ARHGEF10L: variants seen among roughly 807,000 people sequenced by gnomAD.
ARHGEF10L encodes rho guanine nucleotide exchange factor 10-like protein.
ARHGEF10L carries 69 observed loss-of-function variants against 141.2 expected under a neutral mutation model. The observed-to-expected ratio is 0.49, with a 90% CI of 0.40 to 0.60. The LOEUF is 0.60. ARHGEF10L is among the 20% of genes least tolerant of loss of function. The pLI, the probability that ARHGEF10L is intolerant of heterozygous loss-of-function variation, is 0.00. For synonymous variants in ARHGEF10L, 711 were observed against 718.5 expected (o/e 0.99, Z 0.17); for missense variants, 1,482 against 1,734.3 (o/e 0.85, Z 2.58).
chr1:17,685,296 A>T (rs954603031), intron 26 of ARHGEF10L, among the ~76,000 whole-genome samples: 1 of 152,144 alleles, frequency 6.6e-6, no homozygotes, highest in Non-Finnish European at 1.5e-5. Context: ...ACTGTTCCCC[A>T]TGGATTCCAA....
chr1:17,616,215 C>T lies in ARHGEF10L; in HGVS notation c.835+13C>T, dbSNP rs12090096. On this transcript the variant is annotated intron_variant, in intron 9 of 28. Transcript: ENST00000361221. The stretch of plus-strand genomic sequence containing the variant: ...AAGGACGTCCTCGGTGAGGCGCTGC[C>T]CGAGCGGGAGGGTCTGGTGCCCAGC... The T allele has an allele frequency of 2.3e-3, 3,707 of 1,609,346 alleles. 82 individuals are homozygous for T. In the African/African-American group the frequency reaches 0.044, roughly 19 times the overall value.
chr1:17,553,222 T>C (rs1237462527), intron 1 of ARHGEF10L, among the ~76,000 whole-genome samples: 1 of 152,212 alleles, frequency 6.6e-6, no homozygotes, highest in Non-Finnish European at 1.5e-5. Flanking sequence ...ACTTCTTCCT[T>C]GGACCAGCCA....
chr1:17,557,843 G>A (rs1364827862), intron 1 of ARHGEF10L, among the ~76,000 whole-genome samples: 2 of 152,180 alleles, frequency 1.3e-5, no homozygotes, highest in Non-Finnish European at 2.9e-5. Flanking sequence ...CCAGGCTGGG[G>A]AAACACGTAG....
chr1:17,518,774 G>A, the ARHGEF10L span, among the ~76,000 whole-genome samples: 14 of 127,536 alleles, frequency 1.1e-4, no homozygotes, highest in Non-Finnish European at 3.2e-5. Context: ...CTGCATTCCA[G>A]CCTGGGTAAT....
intron 27 of ARHGEF10L, chr1:17,691,192 G>T (rs2065076084): frequency 2.2e-6 from 1 of 450,250 alleles, no homozygotes; most frequent in African/African-American, 2.0e-5. Context: ...AGATGGCTTG[G>T]GTGAGTTGAA....
At chr1:17,575,686 A>G (rs1184724926) in intron 1 of ARHGEF10L, among the ~76,000 whole-genome samples, 1 of 152,142 alleles carries the variant, frequency 6.6e-6, no homozygotes, top group Non-Finnish European at 1.5e-5. Flanking sequence ...CAATAAGGTG[A>G]TGTGACAGGT....
chr1:17,658,081 G>T (rs1480193247), intron 25 of ARHGEF10L, among the ~76,000 whole-genome samples: 1 of 152,244 alleles, frequency 6.6e-6, no homozygotes, highest in Non-Finnish European at 1.5e-5. Context: ...TGCTTCAGGT[G>T]TTTCCTTGCC....
At chr1:17,526,165 G>A in the ARHGEF10L span, among the ~76,000 whole-genome samples, 1 of 152,244 alleles carries the variant, frequency 6.6e-6, no homozygotes, top group Admixed American at 6.5e-5. Flanking sequence ...CCCTCTCTGG[G>A]TTCCCTGCCA....
At chr1:17,596,130 CAG>C (rs956133828) in intron 4 of ARHGEF10L, among the ~76,000 whole-genome samples, 7 of 152,238 alleles carry the variant, frequency 4.6e-5, no homozygotes, top group African/African-American at 1.7e-4. Flanking sequence ...GACCAACAGT[CAG>C]AGTCTCTGGG....
chr1:17,638,002 AG>A lies in ARHGEF10L; in HGVS notation c.2043+1del. The A allele has an allele frequency of 6.3e-7, 1 of 1,578,166 alleles. No homozygotes were observed. The highest frequency in any genetic ancestry group is 8.6e-7 in the Non-Finnish European group (1 of 1,161,254). ...ATCAGCACGCTGCACGGCACCTACCAGGTACGTGGCCTGGCCTGACCTTTTT... is the reference window on the plus strand; with the variant it reads ...ATCAGCACGCTGCACGGCACCTACCAGTACGTGGCCTGGCCTGACCTTTTT... Reference protein sequence around the residue: ...LLISTLHGTYQNLNMTVAQDW... With the variant: ...LLISTLHGTYXNLNMTVAQDW... On this transcript the variant is annotated frameshift_variant and splice_region_variant, in exon 19 of 29. Coordinates refer to ENST00000361221, the MANE Select transcript of ARHGEF10L (RefSeq NM_018125.4). LOFTEE classifies it high-confidence loss of function.
At chr1:17,563,687 C>T (rs562105439) in intron 1 of ARHGEF10L, among the ~76,000 whole-genome samples, 2 of 151,926 alleles carry the variant, frequency 1.3e-5, no homozygotes, top group Non-Finnish European at 2.9e-5. Flanking sequence ...GTCATGACAC[C>T]CAGTTTGCAG....
intron 27 of ARHGEF10L, among the ~76,000 whole-genome samples, chr1:17,688,933 A>G (rs977003438): frequency 3.3e-5 from 5 of 152,152 alleles, no homozygotes; most frequent in African/African-American, 1.2e-4. Context: ...CTAACAACAC[A>G]GTCCACGGCA....
intron 2 of ARHGEF10L, among the ~76,000 whole-genome samples, chr1:17,583,706 AC>A (rs1205112444): frequency 6.6e-6 from 1 of 151,888 alleles, no homozygotes; most frequent in African/African-American, 2.4e-5. Context: ...GGAGACCCCC[AC>A]CCCCACTCCC....
chr1:17,664,808 T>G (rs1373291026), intron 26 of ARHGEF10L, among the ~76,000 whole-genome samples: 1 of 152,190 alleles, frequency 6.6e-6, no homozygotes, highest in African/African-American at 2.4e-5. Flanking sequence ...GAACAGAAAG[T>G]GCCCAGCTGC....
chr1:17,603,670 C>A lies in ARHGEF10L; in HGVS notation c.433+79C>A. 7.5e-7 allele frequency: 1 copy of A among 1,334,746 alleles called. No homozygotes were observed. Among genetic ancestry groups the A allele is most frequent in the Non-Finnish European group, 1.0e-6 (1 of 975,958 alleles). 82.7% of individuals were successfully genotyped at this position (1,334,746 alleles called of 1,614,324 possible). The stretch of plus-strand genomic sequence containing the variant: ...GGGACTGGGGAGGGTTGTCTCTTTC[C>A]GTTTCCTTCTGTCCCCACCTGGCCA... On this transcript the variant is annotated intron_variant, in intron 6 of 28. Transcript: ENST00000361221. The surrounding 1 kb of genome is among the most constrained non-coding windows in gnomAD (Gnocchi z 4.8).
chr1:17,534,666 T>A, the ARHGEF10L span, among the ~76,000 whole-genome samples: 7 of 151,170 alleles, frequency 4.6e-5, no homozygotes, highest in Admixed American at 3.3e-4. Flanking sequence ...CTCAGCTCAC[T>A]GCAACCTCTG....
At chr1:17,552,868 TAACTCTGGA>T (rs1230249756) in intron 1 of ARHGEF10L, among the ~76,000 whole-genome samples, 1 of 152,170 alleles carries the variant, frequency 6.6e-6, no homozygotes, top group Non-Finnish European at 1.5e-5. Context: ...CCTGACCCTC[TAACTCTGGA>T]GCCCTCCCCT....
At chr1:17,590,047 C>G (rs545198752) in intron 4 of ARHGEF10L, among the ~76,000 whole-genome samples, 11 of 152,228 alleles carry the variant, frequency 7.2e-5, no homozygotes, top group Admixed American at 2.6e-4. Context: ...AGCACACTCA[C>G]TTCCTTCAAG....
the ARHGEF10L span, among the ~76,000 whole-genome samples, chr1:17,522,771 C>T: frequency 2.6e-5 from 4 of 152,100 alleles, no homozygotes; most frequent in African/African-American, 9.7e-5. Context: ...GGTGACTGGC[C>T]TGGCTCCATT....
Sources: gnomAD v4.1 joint callset for allele counts (sites outside exome capture counted in the v4.1 genomes callset) on GRCh38, gnomAD v4.1.1 for gene constraint, Gnocchi (gnomAD v3.1) non-coding constraint, MANE v1.5 for transcripts, NCBI Gene and HGNC (gene_info 2026-07-23, HGNC 2026-07-21) for gene names.